Variants in PI4KA observed in about 807,000 individuals in gnomAD.
PI4KA encodes phosphatidylinositol 4-kinase alpha, also known as PI4-kinase alpha.
In PI4KA, 122 loss-of-function variants were observed where a neutral mutation model predicts 271.4. That is an observed-to-expected ratio of 0.45 (90% CI 0.39 to 0.52). The LOEUF (loss-of-function observed/expected upper bound fraction) is 0.52. Among genes scored for constraint, PI4KA ranks in the 20% least tolerant of loss-of-function variants. The pLI is 0.00. For synonymous variants in PI4KA, 1,041 were observed against 1,078.8 expected, an observed-to-expected ratio of 0.96 and a Z score of 0.69; for missense variants, 1,969 against 2,769.1, an observed-to-expected ratio of 0.71 and a Z score of 6.48.
intron 7 of PI4KA, among the ~76,000 whole-genome samples, chr22:20,814,395 G>A (rs1921470546): frequency 6.6e-6 from 1 of 152,124 alleles, no homozygotes; most frequent in African/African-American, 2.4e-5. Context: ...TTTTTGAGAT[G>A]AATTGTAGTG....
intron 44 of PI4KA, 177 bp from the exon 45 acceptor site, chr22:20,717,955 A>C (rs2147191821): frequency 1.6e-6 from 1 of 622,968 alleles, no homozygotes; most frequent in South Asian, 1.8e-5. Flanking sequence ...CCTCATGGAG[A>C]ATCCCCGACA....
At chr22:20,784,143 G>C (rs1478251413) in intron 19 of PI4KA, 2 of 1,614,182 alleles carry the variant, frequency 1.2e-6, no homozygotes, top group Middle Eastern at 1.6e-4. Flanking sequence ...GGGGGCATCA[G>C]CATGCTAATT....
chr22:20,766,139 C>G (rs1283017602), intron 19 of PI4KA, among the ~76,000 whole-genome samples: 3 of 152,216 alleles, frequency 2.0e-5, no homozygotes, highest in Non-Finnish European at 2.9e-5. Context: ...GAAAGGCAAA[C>G]AATGGATGCG....
intron 1 of PI4KA, among the ~76,000 whole-genome samples, chr22:20,850,376 T>A (rs920340551): frequency 2.0e-5 from 3 of 151,814 alleles, no homozygotes; most frequent in Non-Finnish European, 2.9e-5. Context: ...TACAAAAAAT[T>A]AGCTGACTGT....
rs757089620 is a variant in PI4KA at position 20,714,624 on chromosome 22, C to A, written c.5390+4G>T. 6.2e-7 allele frequency: 1 copy of A among 1,613,590 alleles called. No homozygotes were observed. The highest frequency in any genetic ancestry group is 8.5e-7 in the Non-Finnish European group (1 of 1,179,852). Reference sequence around the variant, plus strand: ...GTGGGGGATGGGTAGGGTGAGGCGCCCACCTCTGCATCGGGGTCCCAGACT... The same window carrying A: ...GTGGGGGATGGGTAGGGTGAGGCGCACACCTCTGCATCGGGGTCCCAGACT... On this transcript the variant is annotated splice_donor_region_variant and intron_variant, in intron 46 of 54. Coordinates refer to ENST00000255882, the MANE Select transcript of PI4KA (RefSeq NM_058004.4).
At chr22:20,759,078 C>A (rs1261141858) in intron 23 of PI4KA, among the ~76,000 whole-genome samples, 1 of 152,196 alleles carries the variant, frequency 6.6e-6, no homozygotes, top group Non-Finnish European at 1.5e-5. Flanking sequence ...GAGACAGGGT[C>A]TTGCTCCGTC....
intron 23 of PI4KA, among the ~76,000 whole-genome samples, chr22:20,753,907 T>C (rs1051403186): frequency 3.3e-5 from 5 of 152,148 alleles, no homozygotes; most frequent in African/African-American, 1.2e-4. Context: ...AGGATGGTCT[T>C]GATCTCCTGA....
At chr22:20,842,075 G>C (rs945715612) in intron 1 of PI4KA, among the ~76,000 whole-genome samples, 1 of 152,044 alleles carries the variant, frequency 6.6e-6, no homozygotes, top group African/African-American at 2.4e-5. Context: ...AATTAGCCGG[G>C]CATGGTGGCA....
chr22:20,765,604 T>A lies in PI4KA; in HGVS notation c.2418A>T (p.Gly806=), dbSNP rs772626956. The A allele has an allele frequency of 6.2e-7, 1 of 1,604,318 alleles. No individual in the cohort carries two copies. The highest frequency in any genetic ancestry group is 8.5e-7 in the Non-Finnish European group (1 of 1,171,616). ...RDFWLYSVLM[G]FAVEGSGLWP... ...CCCTACCTGAGCCCTCCACAGCGAA[T>A]CCCATCAGAACGGAATACAGCCAGA... Residue 806 remains glycine, a synonymous_variant, in exon 20 of 55, where the codon GGA becomes GGT. Transcript: ENST00000255882.
chr22:20,798,269 A>C (rs1198161069), intron 17 of PI4KA, among the ~76,000 whole-genome samples: 1 of 152,114 alleles, frequency 6.6e-6, no homozygotes, highest in Admixed American at 6.5e-5. Flanking sequence ...ACAACCTCTA[A>C]AGGCAACCTG....
intron 18 of PI4KA, among the ~76,000 whole-genome samples, chr22:20,795,287 T>G (rs1934915520): frequency 6.6e-6 from 1 of 152,002 alleles, no homozygotes; most frequent in Non-Finnish European, 1.5e-5. Context: ...AAAAAAAACT[T>G]TCTAGCTCAT....
chr22:20,751,641 T>C, intron 26 of PI4KA, 33 bp downstream of exon 26: 1 of 1,561,420 alleles, frequency 6.4e-7, no homozygotes. Context: ...GAGCGGGTGG[T>C]GTTTGGGCCC....
In PI4KA at chr22:20,729,618, C is replaced by A; in HGVS notation, c.4488+14G>T. Reference sequence around the variant, plus strand: ...GTGGCGGGCAGCAGGCACAGCTGCACCTGTGGGCCTTACCAGCAGGGACAG... The same window carrying A: ...GTGGCGGGCAGCAGGCACAGCTGCAACTGTGGGCCTTACCAGCAGGGACAG... On this transcript the variant is annotated intron_variant, in intron 38 of 54. Transcript: ENST00000255882. 2 of 1,561,198 alleles carry A rather than the reference C, an allele frequency of 1.3e-6. No individual in the cohort carries two copies. The highest frequency in any genetic ancestry group is 1.7e-6 in the Non-Finnish European group (2 of 1,151,532).
intron 23 of PI4KA, among the ~76,000 whole-genome samples, chr22:20,755,952 T>C (rs738060): frequency 0.97 from 147,645 of 152,302 alleles, 71,757 homozygotes; most frequent in East Asian, 1. Flanking sequence ...GACTACATGC[T>C]GGGTCTGCCC....
chr22:20,844,764 T>C (rs964696485), intron 1 of PI4KA, among the ~76,000 whole-genome samples: 1 of 152,186 alleles, frequency 6.6e-6, no homozygotes, highest in Non-Finnish European at 1.5e-5. Context: ...TATTATCTTA[T>C]TTAATCCTCA....
intron 28 of PI4KA, 33 bp downstream of exon 28, chr22:20,749,872 T>C (rs1345669842): frequency 4.4e-6 from 6 of 1,366,442 alleles, no homozygotes; most frequent in South Asian, 1.2e-5. Context: ...TTGAAGGAGC[T>C]TATGGCAATT....
Position 20,811,015 on chromosome 22 carries a change from C to A in PI4KA, c.1023G>T (p.Glu341Asp). ...CATCCAAAGATTTGAGAACAGCCTCCTCAACGATCTTCTTCACCTACCAAG... is the reference window on the plus strand; with the variant it reads ...CATCCAAAGATTTGAGAACAGCCTCATCAACGATCTTCTTCACCTACCAAG... ...ELLNLVKKIV[E>D]EAVLKSLDAI... is the part of the protein sequence containing the mutation. The change falls in exon 9 of 55, where the codon GAG becomes GAT. Residue 341 changes from glutamate (E) to aspartate (D), a missense_variant. By Grantham distance (45) the Glu-to-Asp change is conservative. This residue lies in a region of PI4KA where 540 missense variants were observed against 555.5 expected (regional missense o/e 0.97). Coordinates refer to ENST00000255882, the MANE Select transcript of PI4KA (RefSeq NM_058004.4). 1 of 1,613,476 alleles carries A rather than the reference C, an allele frequency of 6.2e-7. No individual in the cohort carries two copies. Among genetic ancestry groups the A allele is most frequent in the Non-Finnish European group, 8.5e-7 (1 of 1,179,354 alleles).
At chr22:20,735,706 C>A (rs1430795619) in intron 32 of PI4KA, among the ~76,000 whole-genome samples, 1 of 152,228 alleles carries the variant, frequency 6.6e-6, no homozygotes, top group Non-Finnish European at 1.5e-5. Flanking sequence ...CCACATAAGC[C>A]CAGGATGGCC....
rs746656003 is a variant in PI4KA at position 20,807,385 on chromosome 22, C to T, written c.1145G>A (p.Arg382His). The stretch of plus-strand genomic sequence containing the variant: ...ACCCTTCATGTAGTACAGAGTGTCA[C>T]GCAGCATCTTGAACATGGTCAGGTA... ...PLYLTMFKML[R>H]DTLYYMKDLP... The change falls in exon 10 of 55, where the codon CGT becomes CAT. Residue 382 changes from arginine to histidine, a missense_variant. This residue lies in a region of PI4KA where 540 missense variants were observed against 555.5 expected (regional missense o/e 0.97). Coordinates refer to ENST00000255882, the MANE Select transcript of PI4KA (RefSeq NM_058004.4). 1.2e-5 allele frequency: 20 copies of T among 1,611,170 alleles called. No homozygotes were observed. Among genetic ancestry groups the T allele is most frequent in the South Asian group, 4.4e-5 (4 of 91,030 alleles).
Sources: allele counts gnomAD v4.1 joint callset (sites outside exome capture counted in the v4.1 genomes callset), GRCh38; gene constraint gnomAD v4.1.1; regional missense constraint gnomAD v4.1.1; transcripts MANE v1.5; gene names NCBI Gene and HGNC (gene_info 2026-07-23, HGNC 2026-07-21).